PIAS4: variants seen among roughly 807,000 people sequenced by gnomAD.
PIAS4 encodes the protein protein inhibitor of activated STAT 4, also known as E3 SUMO-protein ligase PIAS4.
PIAS4 carries 7 observed loss-of-function variants against 58.0 expected under a neutral mutation model. The ratio of observed to expected loss-of-function variants is 0.12; its 90% confidence interval spans 0.07 to 0.23. The LOEUF (loss-of-function observed/expected upper bound fraction) is 0.23, where lower values mean the gene tolerates loss of function less well. Ranked by LOEUF, PIAS4 falls within the 10% of genes least tolerant of loss-of-function variation. The probability of loss-of-function intolerance (pLI) is 1.00; values close to 1 mark genes in which losing one functional copy is unlikely to be tolerated. For synonymous variants in PIAS4, 364 were observed against 312.4 expected, an observed-to-expected ratio of 1.17 and a Z score of -1.74; for missense variants, 550 against 709.5, an observed-to-expected ratio of 0.78 and a Z score of 2.55.
chr19:4,035,129 G>A (rs2040261364), intron 9 of PIAS4, among the ~76,000 whole-genome samples: 1 of 152,186 alleles, frequency 6.6e-6, no homozygotes, highest in African/African-American at 2.4e-5. Flanking sequence ...GGCACGGTGG[G>A]CTCCGAGCAT....
intron 1 of PIAS4, among the ~76,000 whole-genome samples, chr19:4,010,815 C>G (rs1259072650): frequency 6.6e-6 from 1 of 152,198 alleles, no homozygotes; most frequent in Admixed American, 6.5e-5. Flanking sequence ...GCTGGCATCC[C>G]GATTCTTTAC....
intron 3 of PIAS4, among the ~76,000 whole-genome samples, chr19:4,026,527 T>A (rs1473357240): frequency 3.3e-5 from 5 of 151,730 alleles, no homozygotes; most frequent in South Asian, 2.1e-4. Flanking sequence ...GATCAGTAGG[T>A]ATCGCAGCTC....
In PIAS4 at chr19:4,023,265, G is replaced by A. The variant is rs181184585; in HGVS notation, c.455-771G>A. Among the ~76,000 whole-genome samples the A allele has an allele frequency of 3.5e-3, 531 of 151,762 alleles. 2 individuals carry two copies. The highest frequency in any genetic ancestry group is 0.012 in the African/African-American group (507 of 41,348). On this transcript the variant is annotated intron_variant, in intron 2 of 10. Transcript: ENST00000262971. ...AGTTTGAGATGGGCGGATCACCTGA[G>A]GTCACGAGTTCGAAACCAGCCTGGC...
chr19:4,028,227 C>T (rs2040186851), intron 4 of PIAS4, 40 bp downstream of exon 4: 1 of 1,546,016 alleles, frequency 6.5e-7, no homozygotes, highest in Non-Finnish European at 8.8e-7. Context: ...GCTGGACCCC[C>T]AGCCACCCGC....
At position 4,037,774 on chromosome 19, in the gene PIAS4, G is replaced by A; in HGVS notation, c.1432G>A (p.Asp478Asn). 6.2e-7 allele frequency: 1 copy of A among 1,604,698 alleles called. No individual in the cohort carries two copies. Among genetic ancestry groups the A allele is most frequent in the East Asian group, 2.2e-5 (1 of 44,598 alleles). The change falls in exon 11 of 11, where the codon GAT becomes AAT. Residue 478 changes from aspartate (D) to asparagine (N), a missense_variant. This residue lies in a region of PIAS4 where 188 missense variants were observed against 192.0 expected (regional missense o/e 0.98). Coordinates refer to ENST00000262971, the MANE Select transcript of PIAS4 (RefSeq NM_015897.4). The surrounding 1 kb of genome is among the most constrained non-coding windows in gnomAD (Gnocchi z 5.8). ...LTLDSSSSSE[D>N]EEEEEEEEED... is the part of the protein sequence containing the mutation. The stretch of plus-strand genomic sequence containing the variant: ...GCTGGACAGCTCATCGTCCTCGGAG[G>A]ATGAGGAGGAGGAGGAAGAGGAGGA...
chr19:4,009,174 G>A (rs2039970090), intron 1 of PIAS4, among the ~76,000 whole-genome samples: 1 of 151,820 alleles, frequency 6.6e-6, no homozygotes, highest in East Asian at 1.9e-4. Context: ...CCTCCCCACG[G>A]TCCTGACCTG....
chr19:4,031,317 C>T (rs1021014633), intron 7 of PIAS4, among the ~76,000 whole-genome samples: 6 of 152,174 alleles, frequency 3.9e-5, no homozygotes, highest in South Asian at 2.1e-4. Flanking sequence ...GAAAGATAGC[C>T]GGCAGCACCC....
At position 4,038,148 on chromosome 19, in the gene PIAS4, C is replaced by T. The variant is rs2144951139; in HGVS notation, c.*273C>T. On this transcript the variant is annotated 3_prime_UTR_variant, in exon 11 of 11. Transcript: ENST00000262971. This position sits in a 1 kb window ranked among gnomAD's most constrained non-coding sequence, Gnocchi z 4.1. Reference sequence around the variant, plus strand: ...CAAGGCCGGCCACCCACACAGCCGCCTCCCCGGCTGGAGTCCGAGCCGGGA... The same window carrying T: ...CAAGGCCGGCCACCCACACAGCCGCTTCCCCGGCTGGAGTCCGAGCCGGGA... 1.2e-5 allele frequency: 5 copies of T among 405,606 alleles called. No homozygotes were observed. The highest frequency in any genetic ancestry group is 1.0e-4 in the South Asian group (4 of 38,310). The allele number at this position is 405,606 out of a possible 1,614,324, so 25.1% of individuals were successfully genotyped here. A position where few individuals can be genotyped will look rare whatever the true frequency, so the allele number is the denominator to read the frequency against.
chr19:4,015,337 G>A (rs188565124), intron 2 of PIAS4, among the ~76,000 whole-genome samples: 6 of 152,182 alleles, frequency 3.9e-5, no homozygotes, highest in Middle Eastern at 6.8e-3. Flanking sequence ...CAGTAGCTCC[G>A]TCCCACAATA....
intron 3 of PIAS4, among the ~76,000 whole-genome samples, chr19:4,026,530 C>T (rs917877203): frequency 6.6e-6 from 1 of 151,414 alleles, no homozygotes; most frequent in African/African-American, 2.4e-5. Context: ...CAGTAGGTAT[C>T]GCAGCTCCCA....
intron 2 of PIAS4, among the ~76,000 whole-genome samples, chr19:4,015,199 C>T (rs2040039633): frequency 6.6e-6 from 1 of 152,212 alleles, no homozygotes; most frequent in Admixed American, 6.5e-5. Flanking sequence ...GCAGAGCTGG[C>T]TGTCTCTGAA....
At chr19:4,029,094 C>A in intron 7 of PIAS4, 58 bp downstream of exon 7, 1 of 1,293,360 alleles carries the variant, frequency 7.7e-7, no homozygotes, top group Non-Finnish European at 1.1e-6. Context: ...GAAACCCGCC[C>A]TGTGCTGGGT....
chr19:4,026,502 G>A (rs959420534), intron 3 of PIAS4, among the ~76,000 whole-genome samples: 1 of 151,480 alleles, frequency 6.6e-6, no homozygotes, highest in Non-Finnish European at 1.5e-5. Context: ...GGGTGTCATC[G>A]AGTGGGTTCT....
chr19:4,031,171 C>G (rs151171118), intron 7 of PIAS4, among the ~76,000 whole-genome samples: 1 of 152,306 alleles, frequency 6.6e-6, no homozygotes, highest in Non-Finnish European at 1.5e-5. Context: ...GCCCAGGCCT[C>G]TGGTCCCTGT....
rs199999295 is a variant in PIAS4, at chr19:4,028,894, C to T, written c.802-37C>T. ...CCACCCTGCCCCCCAACCCCGGCCC[C>T]GTCCTGCCAGCCCTGACCCCTTCCT... On this transcript the variant is annotated intron_variant, in intron 6 of 10. Coordinates refer to ENST00000262971, the MANE Select transcript of PIAS4 (RefSeq NM_015897.4). 615 of 1,612,068 alleles carry T rather than the reference C, an allele frequency of 3.8e-4. 1 individual carries two copies. The highest frequency in any genetic ancestry group is 4.7e-4 in the Non-Finnish European group (550 of 1,179,140).
chr19:4,034,659 G>A (rs1307445213), intron 9 of PIAS4, among the ~76,000 whole-genome samples: 6 of 152,220 alleles, frequency 3.9e-5, no homozygotes, highest in African/African-American at 1.2e-4. Context: ...CTGTGCAGCC[G>A]GGTGCCCGCC....
chr19:4,019,227 C>T (rs919662683), intron 2 of PIAS4, among the ~76,000 whole-genome samples: 4 of 152,278 alleles, frequency 2.6e-5, no homozygotes, highest in African/African-American at 9.6e-5. Context: ...CCCCACAGCC[C>T]CTTCCCCAGC....
At chr19:4,036,707 TACAC>T (rs1236203933) in intron 9 of PIAS4, among the ~76,000 whole-genome samples, 15 of 127,590 alleles carry the variant, frequency 1.2e-4, no homozygotes, top group East Asian at 6.4e-4. Context: ...CACACCATCA[TACAC>T]ACACACATCT....
At chr19:4,036,660 A>T (rs2040295070) in intron 9 of PIAS4, among the ~76,000 whole-genome samples, 1 of 143,152 alleles carries the variant, frequency 7.0e-6, no homozygotes, top group Non-Finnish European at 1.5e-5. Flanking sequence ...ATACACACAC[A>T]TCTATACAGT....
Sources: allele counts gnomAD v4.1 joint callset (sites outside exome capture counted in the v4.1 genomes callset), GRCh38; gene constraint gnomAD v4.1.1; regional missense constraint gnomAD v4.1.1; non-coding constraint Gnocchi (gnomAD v3.1); transcripts MANE v1.5; gene names NCBI Gene and HGNC (gene_info 2026-07-23, HGNC 2026-07-21).